Variants in PTPRD observed in about 807,000 individuals in gnomAD.
PTPRD encodes receptor-type tyrosine-protein phosphatase delta.
PTPRD carries 34 observed loss-of-function variants against 214.5 expected under a neutral mutation model. The ratio of observed to expected loss-of-function variants is 0.16; its 90% CI spans 0.12 to 0.21. The LOEUF (loss-of-function observed/expected upper bound fraction) is 0.21. Ranked by LOEUF, PTPRD falls within the 10% of genes least tolerant of loss-of-function variation. The pLI, the probability that PTPRD is intolerant of heterozygous loss-of-function variation, is 1.00. For synonymous variants in PTPRD, 1,128 were observed against 845.7 expected (o/e 1.33, Z -5.79); for missense variants, 2,545 against 2,398.7 (o/e 1.06, Z -1.27).
Position 9,916,285 on chromosome 9 carries a change from A to T in PTPRD, c.-368+22222T>A, listed in dbSNP as rs536425208. Among the ~76,000 whole-genome samples the T allele has an allele frequency of 1.8e-4, 28 of 151,990 alleles. No individual in the cohort carries two copies. In the East Asian group the frequency reaches 4.6e-3, roughly 25 times the overall value. ...AAATACCATCATGGAAACATACAAA[A>T]CTCAAATTCACTGATACACACAGGA... On this transcript the variant is annotated intron_variant, in intron 5 of 45. Transcript: ENST00000381196.
At position 8,952,774 on chromosome 9, in the gene PTPRD, G is replaced by A. The variant is rs139884822; in HGVS notation, c.-104+65923C>T. The stretch of plus-strand genomic sequence containing the variant: ...AATTCTAGGTAGAAGTGATCATGTG[G>A]TAAAAAATAATAAAAAGGTGAAAGA... On this transcript the variant is annotated intron_variant, in intron 11 of 45. Coordinates refer to ENST00000381196, the MANE Select transcript of PTPRD (RefSeq NM_002839.4). Among the ~76,000 whole-genome samples the A allele has an allele frequency of 5.4e-3, 813 of 151,912 alleles. 1 individual carries two copies. The highest frequency in any genetic ancestry group is 0.019 in the African/African-American group (790 of 41,474).
At chr9:10,449,187 G>A (rs1310059026) in intron 2 of PTPRD, among the ~76,000 whole-genome samples, 3 of 151,980 alleles carry the variant, frequency 2.0e-5, no homozygotes, top group Admixed American at 6.5e-5. Flanking sequence ...TTGCGGGCGG[G>A]TGCCGCCACG....
chr9:10,102,941 T>TTCATTCATTC (rs1156283970), intron 3 of PTPRD, among the ~76,000 whole-genome samples: 1 of 151,782 alleles, frequency 6.6e-6, no homozygotes, highest in African/African-American at 2.4e-5. Flanking sequence ...TACATTCATT[T>TTCATTCATTC]CTTCATTCAT....
intron 3 of PTPRD, among the ~76,000 whole-genome samples, chr9:10,209,339 A>T (rs2099503483): frequency 6.6e-6 from 1 of 152,216 alleles, no homozygotes; most frequent in Non-Finnish European, 1.5e-5. Flanking sequence ...TAAAATTTAA[A>T]TGGCTTCTTA....
chr9:8,524,802 C>T (rs1270722602), intron 18 of PTPRD, 123 bp downstream of exon 18: 2 of 827,068 alleles, frequency 2.4e-6, no homozygotes, highest in Non-Finnish European at 4.2e-6. Context: ...TAACATGTTT[C>T]AGCTACGGTC....
chr9:8,629,062 C>T (rs894744383), intron 14 of PTPRD, among the ~76,000 whole-genome samples: 1 of 151,538 alleles, frequency 6.6e-6, no homozygotes, highest in East Asian at 1.9e-4. Flanking sequence ...TTAAATGACC[C>T]ATTACATGCT....
At chr9:8,330,562 A>AATAGAAAGTAG (rs1332853266) in intron 44 of PTPRD, among the ~76,000 whole-genome samples, 6 of 105,300 alleles carry the variant, frequency 5.7e-5, no homozygotes, top group African/African-American at 1.8e-4. Flanking sequence ...TTAATAACTC[A>AATAGAAAGTAG]ATAGAAAGTA....
chr9:10,344,323 T>G (rs10959056), intron 2 of PTPRD, among the ~76,000 whole-genome samples: 18,557 of 151,942 alleles, frequency 0.12, 1,538 homozygotes, highest in Admixed American at 0.25. Context: ...AGGTTTGTCA[T>G]ACATCAGATG....
At chr9:9,577,703 T>C (rs918436958) in intron 7 of PTPRD, among the ~76,000 whole-genome samples, 12 of 152,256 alleles carry the variant, frequency 7.9e-5, no homozygotes, top group African/African-American at 2.6e-4. Flanking sequence ...TAGAGTTTTA[T>C]CCTTGATAAA....
At chr9:8,917,400 G>C (rs933690690) in intron 11 of PTPRD, among the ~76,000 whole-genome samples, 8 of 151,470 alleles carry the variant, frequency 5.3e-5, no homozygotes, top group African/African-American at 1.9e-4. Flanking sequence ...GCCTCCCAAA[G>C]TGCTGGGATT....
intron 3 of PTPRD, among the ~76,000 whole-genome samples, chr9:10,141,363 G>A (rs1227591774): frequency 6.6e-6 from 1 of 152,074 alleles, no homozygotes; most frequent in Non-Finnish European, 1.5e-5. Context: ...CATTGTCTCA[G>A]CCCAAAATCT....
chr9:8,993,621 T>A (rs1020249491), intron 11 of PTPRD, among the ~76,000 whole-genome samples: 4 of 152,128 alleles, frequency 2.6e-5, no homozygotes, highest in Non-Finnish European at 5.9e-5. Flanking sequence ...CTAAGATGAT[T>A]ATATTTTTCC....
chr9:9,875,025 G>A (rs928510679), intron 5 of PTPRD, among the ~76,000 whole-genome samples: 1 of 152,078 alleles, frequency 6.6e-6, no homozygotes, highest in African/African-American at 2.4e-5. Context: ...AGGATTCTGA[G>A]AATGATTAGA....
intron 3 of PTPRD, among the ~76,000 whole-genome samples, chr9:10,242,555 A>G (rs184671356): frequency 3.0e-4 from 46 of 151,802 alleles, no homozygotes; most frequent in African/African-American, 1.1e-3. Flanking sequence ...TGCTAGATCC[A>G]GGGATAGAGT....
intron 4 of PTPRD, among the ~76,000 whole-genome samples, chr9:9,993,983 G>T (rs2096039974): frequency 6.6e-6 from 1 of 152,106 alleles, no homozygotes; most frequent in Non-Finnish European, 1.5e-5. Flanking sequence ...TACTAGACAT[G>T]ATTCTAAATC....
At chr9:9,755,981 A>G (rs1209241663) in intron 6 of PTPRD, among the ~76,000 whole-genome samples, 3 of 151,934 alleles carry the variant, frequency 2.0e-5, no homozygotes, top group African/African-American at 7.2e-5. Context: ...GTAGAAAATA[A>G]TTAGACCGAG....
chr9:10,174,892 T>C (rs1399227588), intron 3 of PTPRD, among the ~76,000 whole-genome samples: 1 of 152,142 alleles, frequency 6.6e-6, no homozygotes, highest in Non-Finnish European at 1.5e-5. Flanking sequence ...ACAGCTTTTC[T>C]CAAATACAGA....
At chr9:9,561,411 C>T (rs191577097) in intron 8 of PTPRD, among the ~76,000 whole-genome samples, 4 of 152,272 alleles carry the variant, frequency 2.6e-5, no homozygotes, top group East Asian at 1.9e-4. Flanking sequence ...CTGTGCCTCA[C>T]GTATTGGTCA....
chr9:8,892,410 C>T (rs182142018), intron 11 of PTPRD, among the ~76,000 whole-genome samples: 2 of 152,090 alleles, frequency 1.3e-5, no homozygotes, highest in Admixed American at 1.3e-4. Context: ...ATTCATGCCA[C>T]AAACATTTTC....
Sources: allele counts gnomAD v4.1 joint callset (sites outside exome capture counted in the v4.1 genomes callset), GRCh38; gene constraint gnomAD v4.1.1; transcripts MANE v1.5; gene names NCBI Gene and HGNC (gene_info 2026-07-23, HGNC 2026-07-21).